The following DLG2 variants were observed in gnomAD, a reference collection of about 807,000 sequenced individuals.
DLG2 encodes discs large MAGUK scaffold protein 2.
In DLG2, 45 loss-of-function variants were observed where a neutral mutation model predicts 132.5. That is an observed-to-expected ratio of 0.34 (90% CI 0.27 to 0.44). The LOEUF (loss-of-function observed/expected upper bound fraction) is 0.44, where lower values mean the gene tolerates loss of function less well. Among genes scored for constraint, DLG2 ranks in the 20% least tolerant of loss-of-function variants. DLG2 has a pLI of 1.00. For missense variants in DLG2, 1,045 were observed against 1,196.9 expected, an observed-to-expected ratio of 0.87 and a Z score of 1.87; for synonymous variants, 424 against 419.6, an observed-to-expected ratio of 1.01 and a Z score of -0.13.
At chr11:85,139,493 T>G (rs1431422227) in intron 5 of DLG2, among the ~76,000 whole-genome samples, 6 of 152,056 alleles carry the variant, frequency 3.9e-5, no homozygotes, top group Admixed American at 3.3e-4. Context: ...AAAATTAATT[T>G]ATTTTGAAAT....
At chr11:85,114,788 A>G (rs2073311102) in intron 5 of DLG2, among the ~76,000 whole-genome samples, 1 of 152,010 alleles carries the variant, frequency 6.6e-6, no homozygotes, top group Non-Finnish European at 1.5e-5. Flanking sequence ...AGAACCCTAA[A>G]GATGTTCTTC....
At chr11:84,606,045 A>C (rs1235708683) in intron 6 of DLG2, among the ~76,000 whole-genome samples, 2 of 152,016 alleles carry the variant, frequency 1.3e-5, no homozygotes, top group Non-Finnish European at 2.9e-5. Flanking sequence ...TTGTTTTCCT[A>C]GTAGATTGTT....
intron 6 of DLG2, among the ~76,000 whole-genome samples, chr11:84,589,524 T>C (rs573433986): frequency 3.3e-5 from 5 of 152,206 alleles, no homozygotes; most frequent in Admixed American, 2.6e-4. Context: ...AAATCCCTTA[T>C]AACTAGAAGT....
chr11:85,477,236 G>A (rs920948209), intron 3 of DLG2, among the ~76,000 whole-genome samples: 42 of 152,128 alleles, frequency 2.8e-4, no homozygotes, highest in Admixed American at 2.7e-3. Flanking sequence ...ATGCATGCAT[G>A]TTTCTAGATA....
intron 21 of DLG2, among the ~76,000 whole-genome samples, chr11:83,511,114 A>ACACACACACACACACATTCT (rs2095008866): frequency 6.7e-6 from 1 of 149,564 alleles, no homozygotes; most frequent in Non-Finnish European, 1.5e-5. Flanking sequence ...ACACACACAC[A>ACACACACACACACACATTCT]TTCTTTTCTA....
chr11:85,526,218 T>C (rs1037289118), intron 3 of DLG2, among the ~76,000 whole-genome samples: 1 of 152,120 alleles, frequency 6.6e-6, no homozygotes, highest in African/African-American at 2.4e-5. Flanking sequence ...AACTGAAGTA[T>C]CATGAAGAAA....
chr11:84,836,370 C>A (rs899305359), intron 6 of DLG2, among the ~76,000 whole-genome samples: 1 of 151,598 alleles, frequency 6.6e-6, no homozygotes, highest in Non-Finnish European at 1.5e-5. Context: ...TAAATTCCAC[C>A]ACAATGATCT....
At chr11:83,989,946 G>T (rs2093611393) in intron 11 of DLG2, among the ~76,000 whole-genome samples, 1 of 152,044 alleles carries the variant, frequency 6.6e-6, no homozygotes, top group Non-Finnish European at 1.5e-5. Flanking sequence ...CCATGAAAAA[G>T]AAATAGCTCT....
chr11:84,977,445 T>C (rs1475233758), intron 6 of DLG2, among the ~76,000 whole-genome samples: 1 of 152,290 alleles, frequency 6.6e-6, no homozygotes, highest in Admixed American at 6.5e-5. Context: ...TAGGCTCTTG[T>C]TGTGAGATGA....
chr11:84,032,241 T>C (rs2095718235), intron 11 of DLG2, among the ~76,000 whole-genome samples: 1 of 152,090 alleles, frequency 6.6e-6, no homozygotes, highest in Non-Finnish European at 1.5e-5. Context: ...AAAGCTGAGG[T>C]AGGTAGAAAG....
chr11:84,535,661 T>A (rs1172488758), intron 6 of DLG2, among the ~76,000 whole-genome samples: 1 of 152,222 alleles, frequency 6.6e-6, no homozygotes, highest in Non-Finnish European at 1.5e-5. Context: ...TATTTCTGTG[T>A]CTTTTTCTAG....
At chr11:83,661,494 A>G (rs2074265853) in intron 18 of DLG2, among the ~76,000 whole-genome samples, 1 of 152,220 alleles carries the variant, frequency 6.6e-6, no homozygotes, top group South Asian at 2.1e-4. Flanking sequence ...TATGTGCCAG[A>G]TAATATATAT....
intron 6 of DLG2, among the ~76,000 whole-genome samples, chr11:84,548,660 T>G (rs1011836769): frequency 2.0e-5 from 3 of 152,184 alleles, no homozygotes; most frequent in Non-Finnish European, 4.4e-5. Context: ...TGTGCCACAT[T>G]TTCTTAATCC....
intron 19 of DLG2, among the ~76,000 whole-genome samples, chr11:83,608,845 T>G (rs1485873763): frequency 1.3e-5 from 2 of 152,140 alleles, no homozygotes; most frequent in Non-Finnish European, 2.9e-5. Flanking sequence ...AGCAGGCTAA[T>G]GAATGAACTG....
At chr11:85,301,712 C>G (rs955898996) in intron 3 of DLG2, among the ~76,000 whole-genome samples, 1 of 152,180 alleles carries the variant, frequency 6.6e-6, no homozygotes, top group Non-Finnish European at 1.5e-5. Context: ...CTTTCCACTA[C>G]AGTCATAGCT....
At chr11:84,745,435 T>C (rs1263579394) in intron 6 of DLG2, among the ~76,000 whole-genome samples, 1 of 152,188 alleles carries the variant, frequency 6.6e-6, no homozygotes, top group Non-Finnish European at 1.5e-5. Flanking sequence ...CCTCCTGCCA[T>C]GATTGTAAGT....
At chr11:83,850,435 G>A (rs897814185) in intron 16 of DLG2, among the ~76,000 whole-genome samples, 1 of 152,192 alleles carries the variant, frequency 6.6e-6, no homozygotes, top group Non-Finnish European at 1.5e-5. Flanking sequence ...TTACAGTCAT[G>A]AGCCACCGCG....
intron 6 of DLG2, among the ~76,000 whole-genome samples, chr11:84,749,790 C>T (rs1427670925): frequency 1.3e-5 from 2 of 152,128 alleles, no homozygotes; most frequent in African/African-American, 4.8e-5. Context: ...AAGTTAATCT[C>T]AGGCCCTTTG....
At chr11:83,735,121 T>C (rs1318354498) in intron 18 of DLG2, among the ~76,000 whole-genome samples, 1 of 152,110 alleles carries the variant, frequency 6.6e-6, no homozygotes, top group Non-Finnish European at 1.5e-5. Context: ...TTGATATTAA[T>C]ATTGGCCGAT....
Sources: allele counts gnomAD v4.1 joint callset (sites outside exome capture counted in the v4.1 genomes callset), GRCh38; gene constraint gnomAD v4.1.1; transcripts MANE v1.5; gene names NCBI Gene and HGNC (gene_info 2026-07-23, HGNC 2026-07-21).